ITGBL1: variants seen among roughly 807,000 people sequenced by gnomAD.
ITGBL1 encodes the protein integrin subunit beta like 1, also known as integrin beta-like protein 1.
In ITGBL1, 51 loss-of-function variants were observed where a neutral mutation model predicts 68.5. The ratio of observed to expected loss-of-function variants is 0.74; its 90% CI spans 0.59 to 0.94. The LOEUF (loss-of-function observed/expected upper bound fraction) is 0.94. ITGBL1 is among the 40% of genes least tolerant of loss of function. The pLI is 0.00. For missense variants in ITGBL1, 649 were observed against 647.4 expected, an observed-to-expected ratio of 1.00 and a Z score of -0.03; for synonymous variants, 209 against 227.3, an observed-to-expected ratio of 0.92 and a Z score of 0.72.
At chr13:101,571,979 T>C (rs1566737003) in intron 3 of ITGBL1, among the ~76,000 whole-genome samples, 1 of 152,182 alleles carries the variant, frequency 6.6e-6, no homozygotes, top group African/African-American at 2.4e-5. Context: ...AGTGCACATA[T>C]ATTTTTATAT....
intron 5 of ITGBL1, among the ~76,000 whole-genome samples, chr13:101,582,381 A>G (rs1039349964): frequency 6.6e-6 from 1 of 152,160 alleles, no homozygotes; most frequent in African/African-American, 2.4e-5. Flanking sequence ...CTTTAATCCA[A>G]CTGGTACTTA....
intron 7 of ITGBL1, among the ~76,000 whole-genome samples, chr13:101,665,182 C>G (rs957552243): frequency 2.0e-5 from 3 of 151,846 alleles, no homozygotes; most frequent in Non-Finnish European, 2.9e-5. Context: ...TGTGAATTTT[C>G]TTAACATGAA....
chr13:101,696,623 GAA>G (rs2034008915), intron 8 of ITGBL1, among the ~76,000 whole-genome samples: 1 of 152,082 alleles, frequency 6.6e-6, no homozygotes, highest in Non-Finnish European at 1.5e-5. Context: ...AAGCCTCTCT[GAA>G]ATGATGTCCT....
chr13:101,598,995 C>T (rs1344978769), intron 7 of ITGBL1, among the ~76,000 whole-genome samples: 1 of 152,090 alleles, frequency 6.6e-6, no homozygotes, highest in African/African-American at 2.4e-5. Flanking sequence ...GTTCTAGATC[C>T]CTGAGGAATT....
At chr13:101,688,258 GT>G (rs2139544400) in intron 7 of ITGBL1, among the ~76,000 whole-genome samples, 1 of 152,228 alleles carries the variant, frequency 6.6e-6, no homozygotes, top group East Asian at 1.9e-4. Context: ...TGCTTATCTA[GT>G]TTAAACTTTG....
chr13:101,472,530 A>G (rs1335085295), intron 2 of ITGBL1, among the ~76,000 whole-genome samples: 1 of 152,204 alleles, frequency 6.6e-6, no homozygotes, highest in Non-Finnish European at 1.5e-5. Context: ...AGCAGTCAAC[A>G]TATTATTATT....
In ITGBL1 at chr13:101,693,355, C is replaced by T. The variant is rs1375779166; in HGVS notation, c.1132+654C>T. 3.3e-5 allele frequency among the ~76,000 whole-genome samples: 5 copies of T among 152,154 alleles called. No homozygotes were observed. In the East Asian group the frequency reaches 7.7e-4, roughly 23 times the overall value. The stretch of plus-strand genomic sequence containing the variant: ...TGCATGTGAATTACAGATCTTTCCA[C>T]GTTTCCAGTATAAATGAAGTGATGT... On this transcript the variant is annotated intron_variant, in intron 8 of 10. Transcript: ENST00000376180.
chr13:101,558,381 G>C (rs2050044975), intron 2 of ITGBL1, among the ~76,000 whole-genome samples: 1 of 152,150 alleles, frequency 6.6e-6, no homozygotes, highest in Non-Finnish European at 1.5e-5. Flanking sequence ...TTATTTGGAT[G>C]ATGGGTACAC....
At chr13:101,487,373 G>A (rs1372125016) in intron 2 of ITGBL1, among the ~76,000 whole-genome samples, 3 of 152,036 alleles carry the variant, frequency 2.0e-5, no homozygotes, top group African/African-American at 7.2e-5. Flanking sequence ...TTGTTTAAAT[G>A]TAAAACCCAT....
chr13:101,575,610 C>T (rs2050346588), intron 4 of ITGBL1, 64 bp downstream of exon 4: 2 of 1,503,194 alleles, frequency 1.3e-6, no homozygotes, highest in Non-Finnish European at 1.8e-6. Context: ...TTTCATTGTT[C>T]TTTTATCTCT....
chr13:101,684,898 T>C (rs1430551696), intron 7 of ITGBL1, among the ~76,000 whole-genome samples: 1 of 151,988 alleles, frequency 6.6e-6, no homozygotes, highest in Non-Finnish European at 1.5e-5. Flanking sequence ...AGTAAAACAC[T>C]TTATTTACTA....
chr13:101,596,786 A>G (rs986257395), intron 6 of ITGBL1, among the ~76,000 whole-genome samples: 19 of 152,176 alleles, frequency 1.2e-4, no homozygotes, highest in Non-Finnish European at 2.9e-5. Context: ...GGAATCTTAG[A>G]TGCATATTAC....
At chr13:101,623,331 A>G (rs2031658516) in intron 7 of ITGBL1, among the ~76,000 whole-genome samples, 1 of 152,088 alleles carries the variant, frequency 6.6e-6, no homozygotes, top group South Asian at 2.1e-4. Context: ...ACAGTAATAA[A>G]ACTATCTACA....
At chr13:101,619,188 T>G (rs188407606) in intron 7 of ITGBL1, among the ~76,000 whole-genome samples, 1 of 152,170 alleles carries the variant, frequency 6.6e-6, no homozygotes, top group East Asian at 1.9e-4. Context: ...ACAAAATAAT[T>G]CATTGATGAT....
chr13:101,614,488 G>A (rs1203860054), intron 7 of ITGBL1, among the ~76,000 whole-genome samples: 1 of 152,108 alleles, frequency 6.6e-6, no homozygotes, highest in Non-Finnish European at 1.5e-5. Flanking sequence ...GAATTTTGTG[G>A]ATGAGTCTGT....
chr13:101,517,791 T>C (rs1475454015), intron 2 of ITGBL1, among the ~76,000 whole-genome samples: 2 of 152,168 alleles, frequency 1.3e-5, no homozygotes, highest in African/African-American at 4.8e-5. Context: ...TGAATTACAA[T>C]GGGTTCAGAG....
intron 2 of ITGBL1, among the ~76,000 whole-genome samples, chr13:101,502,352 C>G (rs1410991135): frequency 6.6e-6 from 1 of 152,106 alleles, no homozygotes; most frequent in Non-Finnish European, 1.5e-5. Flanking sequence ...AGCCCTGTGT[C>G]CCATCCTAAG....
chr13:101,551,711 A>G (rs557801108), intron 2 of ITGBL1, among the ~76,000 whole-genome samples: 1 of 152,322 alleles, frequency 6.6e-6, no homozygotes, highest in African/African-American at 2.4e-5. Flanking sequence ...AGTCAAAGTG[A>G]TTTTTAACTC....
intron 8 of ITGBL1, among the ~76,000 whole-genome samples, chr13:101,702,443 T>G (rs952611034): frequency 6.6e-6 from 1 of 152,186 alleles, no homozygotes; most frequent in Admixed American, 6.5e-5. Context: ...AAGTGAAAGA[T>G]TACATCACTG....
Sources: gnomAD v4.1 joint callset for allele counts (sites outside exome capture counted in the v4.1 genomes callset) on GRCh38, gnomAD v4.1.1 for gene constraint, MANE v1.5 for transcripts, NCBI Gene and HGNC (gene_info 2026-07-23, HGNC 2026-07-21) for gene names.